TIMD4: variants seen among roughly 807,000 people sequenced by gnomAD.
The protein encoded by TIMD4 is T-cell immunoglobulin and mucin domain-containing protein 4.
In TIMD4, 31 loss-of-function variants were observed where a neutral mutation model predicts 41.2. The ratio of observed to expected loss-of-function variants is 0.75; its 90% CI spans 0.57 to 1.01. The LOEUF (loss-of-function observed/expected upper bound fraction) is 1.01. Ranked by LOEUF, TIMD4 falls within the 50% of genes least tolerant of loss-of-function variation. TIMD4 has a pLI of 0.00. For missense variants in TIMD4, 479 were observed against 472.5 expected, an observed-to-expected ratio of 1.01 and a Z score of -0.13; for synonymous variants, 204 against 177.1, an observed-to-expected ratio of 1.15 and a Z score of -1.21.
At chr5:156,921,084 C>T (rs1484303795) in intron 7 of TIMD4, among the ~76,000 whole-genome samples, 2 of 115,490 alleles carry the variant, frequency 1.7e-5, no homozygotes, top group Non-Finnish European at 3.3e-5. Flanking sequence ...AAACCATAAG[C>T]TGTTTCATGG....
At position 156,951,528 on chromosome 5, in the gene TIMD4, C is replaced by A; in HGVS notation, c.663G>T (p.Gly221=). ...TCTGCGTACCTGCAGTGAGGATGGG[C>A]CCTTCCTTAGAAGGCTCGGGAGTCA... ...GLLTPEPSKE[G]PILTAESETV... The change falls in exon 3 of 9, where the codon GGG becomes GGT. Residue 221 remains glycine (G), a synonymous_variant. Coordinates refer to ENST00000274532, the MANE Select transcript of TIMD4 (RefSeq NM_138379.3). The A allele has an allele frequency of 1.2e-6, 2 of 1,614,156 alleles. No individual in the cohort carries two copies. Among genetic ancestry groups the A allele is most frequent in the Admixed American group, 1.7e-5 (1 of 60,020 alleles).
intron 1 of TIMD4, among the ~76,000 whole-genome samples, chr5:156,959,398 C>T (rs192383100): frequency 1.4e-4 from 22 of 151,966 alleles, no homozygotes; most frequent in Admixed American, 5.2e-4. Context: ...ACAAATGCCA[C>T]GTGAAATTAA....
At chr5:156,935,801 C>T (rs905439704) in intron 5 of TIMD4, 1 of 152,212 alleles carries the variant, frequency 6.6e-6, no homozygotes, top group Non-Finnish European at 1.5e-5. Context: ...CTAGAGTCAC[C>T]TCCTTAGGCT....
chr5:156,930,539 A>G (rs978784486), intron 5 of TIMD4, among the ~76,000 whole-genome samples: 18 of 152,262 alleles, frequency 1.2e-4, no homozygotes, highest in African/African-American at 4.3e-4. Context: ...GAATGTAGAA[A>G]AAGGATAGTT....
At chr5:156,934,615 A>C (rs956793693) in intron 5 of TIMD4, among the ~76,000 whole-genome samples, 9 of 152,148 alleles carry the variant, frequency 5.9e-5, no homozygotes, top group Non-Finnish European at 1.2e-4. Context: ...TAATGTTCAT[A>C]AACCCATTTT....
At chr5:156,925,281 G>C (rs113984780) in intron 6 of TIMD4, among the ~76,000 whole-genome samples, 22 of 152,372 alleles carry the variant, frequency 1.4e-4, no homozygotes, top group African/African-American at 4.6e-4. Flanking sequence ...CTGCACTCCA[G>C]CCTGGGCAAG....
chr5:156,945,780 G>A (rs1759728263), intron 5 of TIMD4, among the ~76,000 whole-genome samples: 1 of 152,198 alleles, frequency 6.6e-6, no homozygotes, highest in Non-Finnish European at 1.5e-5. Context: ...TACCTAAAGA[G>A]TGTAGAATCA....
chr5:156,928,175 G>A (rs1561545236), intron 5 of TIMD4, among the ~76,000 whole-genome samples: 1 of 152,158 alleles, frequency 6.6e-6, no homozygotes, highest in African/African-American at 2.4e-5. Flanking sequence ...GTGTGCGCCT[G>A]TAGTCCCAGC....
At chr5:156,939,992 C>T (rs1471675064) in intron 5 of TIMD4, among the ~76,000 whole-genome samples, 1 of 152,244 alleles carries the variant, frequency 6.6e-6, no homozygotes, top group South Asian at 2.1e-4. Flanking sequence ...CCGCTTTCCA[C>T]GGTCTCCCTC....
In TIMD4 at chr5:156,925,100, G is replaced by A. The variant is rs187370785; in HGVS notation, c.894+1163C>T. 1.9e-3 allele frequency among the ~76,000 whole-genome samples: 288 copies of A among 152,304 alleles called. 1 individual carries two copies. The highest frequency in any genetic ancestry group is 6.8e-3 in the African/African-American group (283 of 41,556). On this transcript the variant is annotated intron_variant, in intron 6 of 8. Coordinates refer to ENST00000274532, the MANE Select transcript of TIMD4 (RefSeq NM_138379.3). ...AAGATGGGTGGACCACTTGAGGCTAGGAACTGAAGACCAGCCTGGCCAACA... is the reference window on the plus strand; with the variant it reads ...AAGATGGGTGGACCACTTGAGGCTAAGAACTGAAGACCAGCCTGGCCAACA...
intron 5 of TIMD4, among the ~76,000 whole-genome samples, chr5:156,938,340 T>G (rs935800562): frequency 6.6e-6 from 1 of 152,226 alleles, no homozygotes; most frequent in African/African-American, 2.4e-5. Context: ...ATCTGAGGTT[T>G]GTTAAACATA....
At chr5:156,931,465 A>T (rs920366335) in intron 5 of TIMD4, among the ~76,000 whole-genome samples, 1 of 152,224 alleles carries the variant, frequency 6.6e-6, no homozygotes, top group Admixed American at 6.5e-5. Context: ...ATCTTAAATT[A>T]ATTAAAATTT....
At chr5:156,930,593 G>T (rs1347925533) in intron 5 of TIMD4, among the ~76,000 whole-genome samples, 2 of 152,202 alleles carry the variant, frequency 1.3e-5, no homozygotes, top group Non-Finnish European at 1.5e-5. Context: ...CACCATGAGT[G>T]TAGCAGGCAA....
chr5:156,955,187 G>A (rs1033683189), intron 1 of TIMD4, among the ~76,000 whole-genome samples: 3 of 152,200 alleles, frequency 2.0e-5, no homozygotes, highest in Admixed American at 6.5e-5. Flanking sequence ...CAGGTGACCA[G>A]TTGAGTCTCT....
At chr5:156,934,848 A>G (rs1280678084) in intron 5 of TIMD4, among the ~76,000 whole-genome samples, 1 of 152,224 alleles carries the variant, frequency 6.6e-6, no homozygotes. Context: ...CTGTCTTCTC[A>G]GTGGGTGCAT....
At chr5:156,924,041 T>G in intron 6 of TIMD4, 1 of 188,784 alleles carries the variant, frequency 5.3e-6, no homozygotes, top group Non-Finnish European at 1.1e-5. Flanking sequence ...GAGACAGGGG[T>G]CTCGCCCTGT....
At chr5:156,957,489 G>A (rs1308363764) in intron 1 of TIMD4, among the ~76,000 whole-genome samples, 1 of 141,850 alleles carries the variant, frequency 7.0e-6, no homozygotes, top group Admixed American at 7.3e-5. Context: ...CTCCAGCCTG[G>A]GTGACAGAGC....
At chr5:156,945,815 C>A (rs1011791380) in intron 5 of TIMD4, among the ~76,000 whole-genome samples, 10 of 152,160 alleles carry the variant, frequency 6.6e-5, no homozygotes, top group African/African-American at 2.2e-4. Flanking sequence ...AGACCTGACA[C>A]CTGAGAGCTG....
chr5:156,953,719 A>T (rs561686921), intron 2 of TIMD4, among the ~76,000 whole-genome samples: 1 of 152,130 alleles, frequency 6.6e-6, no homozygotes, highest in Admixed American at 6.5e-5. Flanking sequence ...TGTCTTCCAA[A>T]GTGCCCATCC....
Sources: gnomAD v4.1 joint callset for allele counts (sites outside exome capture counted in the v4.1 genomes callset) on GRCh38, gnomAD v4.1.1 for gene constraint, MANE v1.5 for transcripts, NCBI Gene and HGNC (gene_info 2026-07-23, HGNC 2026-07-21) for gene names.